Variants in PTPN13 observed in about 807,000 individuals in gnomAD.
PTPN13 encodes tyrosine-protein phosphatase non-receptor type 13.
Under a neutral mutation model 284.0 loss-of-function variants are expected in PTPN13, and 191 were observed. The observed-to-expected ratio is 0.67, with a 90% CI of 0.60 to 0.76. The LOEUF (loss-of-function observed/expected upper bound fraction) is 0.76. Among genes scored for constraint, PTPN13 ranks in the 30% least tolerant of loss-of-function variants. PTPN13 has a pLI of 0.00. For synonymous variants in PTPN13, 986 were observed against 1,022.3 expected, an observed-to-expected ratio of 0.96 and a Z score of 0.68; for missense variants, 2,797 against 2,939.9, an observed-to-expected ratio of 0.95 and a Z score of 1.12.
At chr4:86,775,136 T>C in intron 33 of PTPN13, 35 bp from the exon 34 acceptor site, 1 of 1,487,206 alleles carries the variant, frequency 6.7e-7, no homozygotes, top group Non-Finnish European at 9.0e-7. Flanking sequence ...TTCTAAAAAT[T>C]GTGATCTTCA....
intron 1 of PTPN13, among the ~76,000 whole-genome samples, chr4:86,627,146 A>T (rs1721927348): frequency 1.3e-5 from 2 of 152,150 alleles, no homozygotes. Flanking sequence ...CATATGAAAT[A>T]TCTAAAATAG....
At chr4:86,725,844 T>G (rs1022906752) in intron 10 of PTPN13, among the ~76,000 whole-genome samples, 9 of 149,880 alleles carry the variant, frequency 6.0e-5, no homozygotes, top group African/African-American at 2.2e-4. Context: ...TTGTCTATTT[T>G]GGCTTTCGTT....
intron 1 of PTPN13, among the ~76,000 whole-genome samples, chr4:86,622,437 A>C (rs2148667751): frequency 6.6e-6 from 1 of 152,288 alleles, no homozygotes; most frequent in South Asian, 2.1e-4. Context: ...GGGTAGTAAA[A>C]CTTTACCTAT....
At chr4:86,798,349 T>C (rs566062281) in intron 41 of PTPN13, among the ~76,000 whole-genome samples, 1 of 152,200 alleles carries the variant, frequency 6.6e-6, no homozygotes, top group East Asian at 1.9e-4. Flanking sequence ...GGGGGAAACA[T>C]CTGTCATAAA....
intron 2 of PTPN13, among the ~76,000 whole-genome samples, chr4:86,656,481 G>T (rs1725825165): frequency 6.6e-6 from 1 of 152,334 alleles, no homozygotes; most frequent in African/African-American, 2.4e-5. Context: ...TCAGCTGCAG[G>T]TCTGTTGGAG....
In PTPN13 at chr4:86,785,330, T is replaced by C; in HGVS notation, c.6218T>C (p.Leu2073Ser). Reference sequence around the variant, plus strand: ...GTGGATGAGGAAGCCCAGAATCTTTTAAACGAAAATAATGCAGCAGGATAC... The same window carrying C: ...GTGGATGAGGAAGCCCAGAATCTTTCAAACGAAAATAATGCAGCAGGATAC... The part of the protein sequence containing the change: ...DVVDEEAQNL[L>S]NENNAAGYSC... Residue 2073 changes from leucine to serine, a missense_variant, in exon 39 of 48, where the codon TTA becomes TCA. Coordinates refer to ENST00000411767, the MANE Select transcript of PTPN13 (RefSeq NM_080683.3). 6.2e-7 allele frequency: 1 copy of C among 1,611,470 alleles called. No homozygotes were observed.
chr4:86,646,014 G>T (rs572899424), intron 2 of PTPN13, among the ~76,000 whole-genome samples: 19 of 151,956 alleles, frequency 1.3e-4, no homozygotes, highest in African/African-American at 4.6e-4. Flanking sequence ...CACCTATATG[G>T]TCAATTGATT....
At chr4:86,716,121 A>G (rs1032922790) in intron 7 of PTPN13, among the ~76,000 whole-genome samples, 1 of 152,222 alleles carries the variant, frequency 6.6e-6, no homozygotes, top group Admixed American at 6.5e-5. Context: ...ACACATAGTA[A>G]ACATTGAAAA....
intron 9 of PTPN13, among the ~76,000 whole-genome samples, chr4:86,718,814 A>T (rs1733321628): frequency 6.6e-6 from 1 of 152,006 alleles, no homozygotes; most frequent in Non-Finnish European, 1.5e-5. Flanking sequence ...ATAGTCTATA[A>T]TTTTTTTCTT....
intron 1 of PTPN13, among the ~76,000 whole-genome samples, chr4:86,600,542 G>A (rs1026423383): frequency 2.1e-5 from 3 of 144,282 alleles, no homozygotes; most frequent in East Asian, 2.1e-4. Context: ...TTTTGTGTAC[G>A]ATATCAGTTT....
chr4:86,638,324 A>G (rs1467958572), intron 2 of PTPN13, among the ~76,000 whole-genome samples: 1 of 152,158 alleles, frequency 6.6e-6, no homozygotes, highest in Non-Finnish European at 1.5e-5. Context: ...ATAGGAAAAA[A>G]CTACTTTAAA....
chr4:86,747,268 T>G (rs1736873759), intron 17 of PTPN13, among the ~76,000 whole-genome samples: 1 of 152,192 alleles, frequency 6.6e-6, no homozygotes, highest in Non-Finnish European at 1.5e-5. Flanking sequence ...CCCTAAAACT[T>G]TGGGCAAGCT....
intron 40 of PTPN13, among the ~76,000 whole-genome samples, chr4:86,794,791 A>G (rs181663751): frequency 6.6e-6 from 1 of 152,298 alleles, no homozygotes; most frequent in East Asian, 1.9e-4. Context: ...AAAACAAGCA[A>G]TGGGGAAAGG....
intron 17 of PTPN13, 36 bp from the exon 18 acceptor site, chr4:86,750,434 G>A (rs373843950): frequency 3.0e-5 from 46 of 1,534,090 alleles, no homozygotes; most frequent in African/African-American, 2.2e-4. Context: ...GTACTGTGGC[G>A]TTACCATCAT....
intron 2 of PTPN13, among the ~76,000 whole-genome samples, chr4:86,637,458 G>A (rs1294461598): frequency 6.6e-6 from 1 of 151,510 alleles, no homozygotes; most frequent in Non-Finnish European, 1.5e-5. Flanking sequence ...GAATCCAGCA[G>A]CACATCAAAA....
chr4:86,594,917 C>T (rs2149127054), intron 1 of PTPN13, 128 bp downstream of exon 1: 1 of 152,584 alleles, frequency 6.6e-6, no homozygotes, highest in African/African-American at 2.4e-5. Flanking sequence ...CCTCGGTTGC[C>T]CTGGTAGAAG....
intron 10 of PTPN13, among the ~76,000 whole-genome samples, chr4:86,729,830 A>C (rs1237373405): frequency 2.0e-5 from 3 of 149,612 alleles, no homozygotes; most frequent in African/African-American, 7.3e-5. Flanking sequence ...GACCTTCTGA[A>C]GCCTACTTCT....
chr4:86,709,690 A>C (rs970908073), intron 7 of PTPN13, among the ~76,000 whole-genome samples: 1 of 152,210 alleles, frequency 6.6e-6, no homozygotes, highest in Non-Finnish European at 1.5e-5. Flanking sequence ...TGAAAAAGAC[A>C]GTGAAGTCGT....
chr4:86,670,389 C>T (rs1727605413), intron 2 of PTPN13, among the ~76,000 whole-genome samples: 1 of 151,558 alleles, frequency 6.6e-6, no homozygotes. Flanking sequence ...ACCCCCACCT[C>T]AGCAGCCTGC....
Sources: allele counts gnomAD v4.1 joint callset (sites outside exome capture counted in the v4.1 genomes callset), GRCh38; gene constraint gnomAD v4.1.1; transcripts MANE v1.5; gene names NCBI Gene and HGNC (gene_info 2026-07-23, HGNC 2026-07-21).